Variants in TFDP1 observed in about 807,000 individuals in gnomAD.
The protein encoded by TFDP1 is DRTF1-polypeptide 1.
TFDP1 carries 6 observed loss-of-function variants against 48.0 expected under a neutral mutation model. The ratio of observed to expected loss-of-function variants is 0.13; its 90% CI spans 0.07 to 0.25. The LOEUF (loss-of-function observed/expected upper bound fraction) is 0.25. TFDP1 is among the 10% of genes least tolerant of loss of function. TFDP1 has a pLI of 1.00. For synonymous variants in TFDP1, 201 were observed against 211.6 expected, an observed-to-expected ratio of 0.95 and a Z score of 0.44; for missense variants, 335 against 543.0, an observed-to-expected ratio of 0.62 and a Z score of 3.81.
intron 2 of TFDP1, among the ~76,000 whole-genome samples, chr13:113,595,067 A>G (rs1288650814): frequency 1.3e-5 from 2 of 152,156 alleles, no homozygotes; most frequent in Non-Finnish European, 2.9e-5. Context: ...TTCTCTGGTC[A>G]GTTATTTTTT....
intron 9 of TFDP1, 37 bp from the exon 10 acceptor site, chr13:113,636,497 G>T: frequency 6.2e-7 from 1 of 1,607,926 alleles, no homozygotes; most frequent in East Asian, 2.2e-5. Context: ...TCTCCGCTGG[G>T]AGACCCTGTC....
chr13:113,623,564 C>T lies in TFDP1; in HGVS notation c.186+278C>T, dbSNP rs369553204. ...GTAACTGGAGGGTGGTGGGTGGGGC[C>T]GCGGCCCCAACCAGAGGCAGCTTCC... On this transcript the variant is annotated intron_variant, in intron 4 of 11. Coordinates refer to ENST00000375370, the MANE Select transcript of TFDP1 (RefSeq NM_007111.5). The surrounding 1 kb of genome is among the most constrained non-coding windows in gnomAD (Gnocchi z 5.2). 4.2e-4 allele frequency among the ~76,000 whole-genome samples: 64 copies of T among 152,132 alleles called. No individual in the cohort carries two copies. The East Asian group carries it at 7.6e-3, about 18-fold the overall frequency.
chr13:113,597,895 G>C (rs1025887663), intron 2 of TFDP1, among the ~76,000 whole-genome samples: 1 of 152,166 alleles, frequency 6.6e-6, no homozygotes, highest in African/African-American at 2.4e-5. Flanking sequence ...GCTTTCCCTG[G>C]GCACTGTTTA....
At chr13:113,616,076 G>A (rs756654278) in intron 3 of TFDP1, among the ~76,000 whole-genome samples, 12 of 151,626 alleles carry the variant, frequency 7.9e-5, no homozygotes, top group Non-Finnish European at 1.0e-4. Context: ...TGTGGTACAC[G>A]CCTGTAATCC....
At chr13:113,601,644 C>T (rs1370394806) in intron 2 of TFDP1, among the ~76,000 whole-genome samples, 1 of 152,206 alleles carries the variant, frequency 6.6e-6, no homozygotes, top group East Asian at 1.9e-4. Flanking sequence ...TCTCCAGGGT[C>T]CAGGAGGACT....
At chr13:113,639,118 G>A (rs1402828130) in intron 11 of TFDP1, among the ~76,000 whole-genome samples, 1 of 152,222 alleles carries the variant, frequency 6.6e-6, no homozygotes, top group African/African-American at 2.4e-5. Context: ...AGGTGGTGAT[G>A]GAAGAAAGGA....
intron 2 of TFDP1, among the ~76,000 whole-genome samples, chr13:113,588,344 AC>A (rs1347655676): frequency 1.3e-5 from 2 of 152,204 alleles, no homozygotes; most frequent in African/African-American, 2.4e-5. Context: ...CCTGGTAGTC[AC>A]CATGGAGGAG....
At chr13:113,620,525 A>C (rs370163998) in intron 3 of TFDP1, among the ~76,000 whole-genome samples, 5 of 149,712 alleles carry the variant, frequency 3.3e-5, no homozygotes, top group African/African-American at 1.3e-4. Flanking sequence ...TTGAAAACTG[A>C]GTGTTTACTC....
intron 2 of TFDP1, among the ~76,000 whole-genome samples, chr13:113,594,536 GCT>G (rs1290503901): frequency 7.3e-5 from 11 of 151,340 alleles, no homozygotes; most frequent in African/African-American, 2.7e-4. Flanking sequence ...TGACAGGTGT[GCT>G]GTGTGTGGGT....
In TFDP1 at chr13:113,636,032, G is replaced by A; in HGVS notation, c.743G>A (p.Ser248Asn). 6.2e-7 allele frequency: 1 copy of A among 1,614,200 alleles called. No homozygotes were observed. Among genetic ancestry groups the A allele is most frequent in the African/African-American group, 1.3e-5 (1 of 75,054 alleles). ...QRNRHAEQQASRPPPPNSVIH... is the reference protein window; with the variant it reads ...QRNRHAEQQANRPPPPNSVIH... ...AACCGGCATGCGGAGCAGCAGGCCAGCCGGCCACCGCCACCCAACTCAGTC... is the reference window on the plus strand; with the variant it reads ...AACCGGCATGCGGAGCAGCAGGCCAACCGGCCACCGCCACCCAACTCAGTC... The change falls in exon 9 of 12, where the codon AGC becomes AAC. Residue 248 changes from serine to asparagine, a missense_variant. Around this residue, in one of 3 missense-constraint regions of TFDP1, gnomAD observed 204 missense variants for 287.1 expected, o/e 0.71. Coordinates refer to ENST00000375370, the MANE Select transcript of TFDP1 (RefSeq NM_007111.5).
At chr13:113,624,974 C>T (rs1233119808) in intron 4 of TFDP1, among the ~76,000 whole-genome samples, 1 of 130,478 alleles carries the variant, frequency 7.7e-6, no homozygotes, top group East Asian at 2.3e-4. Flanking sequence ...GGGTATCTCT[C>T]ACATGTCCTC....
intron 2 of TFDP1, among the ~76,000 whole-genome samples, chr13:113,597,558 T>C (rs927096691): frequency 4.6e-5 from 7 of 152,212 alleles, no homozygotes; most frequent in Non-Finnish European, 1.0e-4. Context: ...CTCTGTGTGC[T>C]CGCCTGTCCC....
chr13:113,629,459 T>G (rs1386456094), intron 4 of TFDP1, among the ~76,000 whole-genome samples: 1 of 152,218 alleles, frequency 6.6e-6, no homozygotes, highest in African/African-American at 2.4e-5. Context: ...ATTTTGACTT[T>G]AAGATGGTCC....
chr13:113,640,672 G>T lies in TFDP1; in HGVS notation c.*405G>T, dbSNP rs1286479439. 2 of 255,964 alleles carry T rather than the reference G, an allele frequency of 7.8e-6. No individual in the cohort carries two copies. The highest frequency in any genetic ancestry group is 3.4e-4 in the East Asian group (2 of 5,862). 15.9% of individuals were successfully genotyped at this position (255,964 alleles called of 1,614,324 possible). A position where few individuals can be genotyped will look rare whatever the true frequency, so the allele number is the denominator to read the frequency against. On this transcript the variant is annotated 3_prime_UTR_variant, in exon 12 of 12. Transcript: ENST00000375370. The stretch of plus-strand genomic sequence containing the variant: ...ATGCCGCTTATTTGCCGTGAGTTTG[G>T]ACGGCACCCCTGCTGGCGGATAGCA...
At chr13:113,618,235 T>C (rs930610375) in intron 3 of TFDP1, among the ~76,000 whole-genome samples, 1 of 152,148 alleles carries the variant, frequency 6.6e-6, no homozygotes, top group Non-Finnish European at 1.5e-5. Context: ...TAAAACTAAA[T>C]GATTGGCTGG....
At position 113,636,114 on chromosome 13, in the gene TFDP1, C is replaced by A. The variant is rs751905356; in HGVS notation, c.825C>A (p.Ser275Arg). 40 of 1,614,188 alleles carry A rather than the reference C, an allele frequency of 2.5e-5. No individual in the cohort carries two copies. In the South Asian group the frequency reaches 4.4e-4, roughly 18 times the overall value. ...NTSKKTVIDC[S>R]ISNDKFEYLF... ...GCAAGAAGACGGTCATCGACTGCAGCATCTCCAATGACAAGTAGGTTGTGG... is the reference window on the plus strand; with the variant it reads ...GCAAGAAGACGGTCATCGACTGCAGAATCTCCAATGACAAGTAGGTTGTGG... Residue 275 changes from serine to arginine, a missense_variant, in exon 9 of 12, where the codon AGC (serine) becomes AGA (arginine). This residue lies in a region of TFDP1 where 204 missense variants were observed against 287.1 expected (regional missense o/e 0.71). Coordinates refer to ENST00000375370, the MANE Select transcript of TFDP1 (RefSeq NM_007111.5).
rs902433390 is a variant in TFDP1, at chr13:113,635,974, T to A, written c.688-3T>A. On this transcript the variant is annotated splice_polypyrimidine_tract_variant and splice_region_variant and intron_variant, in intron 8 of 11. Coordinates refer to ENST00000375370, the MANE Select transcript of TFDP1 (RefSeq NM_007111.5). ...GCCACCTGGCTCCTCTTATTTTTTT[T>A]AGCAAATTGCCTTCAAGAACCTGGT... 1.2e-6 allele frequency: 2 copies of A among 1,612,538 alleles called. No homozygotes were observed. The highest frequency in any genetic ancestry group is 2.2e-5 in the South Asian group (2 of 91,012).
At chr13:113,587,709 G>T (rs1224112953) in intron 2 of TFDP1, among the ~76,000 whole-genome samples, 1 of 151,748 alleles carries the variant, frequency 6.6e-6, no homozygotes, top group Admixed American at 6.6e-5. Flanking sequence ...CTGGGCTCGA[G>T]CTCCTGACCT....
At position 113,631,616 on chromosome 13, in the gene TFDP1, A is replaced by G; in HGVS notation, c.187-7A>G. 6.2e-7 allele frequency: 1 copy of G among 1,611,318 alleles called. No individual in the cohort carries two copies. The highest frequency in any genetic ancestry group is 8.5e-7 in the Non-Finnish European group (1 of 1,179,060). ...CTGACTGTCTGAATTGTCTTTTTCG[A>G]CTGTAGGTAATTGGTACGCCTCAGA... is the stretch of plus-strand genomic sequence containing the variant. On this transcript the variant is annotated splice_region_variant and splice_polypyrimidine_tract_variant and intron_variant, in intron 4 of 11. Coordinates refer to ENST00000375370, the MANE Select transcript of TFDP1 (RefSeq NM_007111.5).
Sources: allele counts gnomAD v4.1 joint callset (sites outside exome capture counted in the v4.1 genomes callset), GRCh38; gene constraint gnomAD v4.1.1; regional missense constraint gnomAD v4.1.1; non-coding constraint Gnocchi (gnomAD v3.1); transcripts MANE v1.5; gene names NCBI Gene and HGNC (gene_info 2026-07-23, HGNC 2026-07-21).